ZNF236: variants seen among roughly 807,000 people sequenced by gnomAD.
The protein encoded by ZNF236 is regulated by glucose.
A neutral mutation model predicts 191.2 loss-of-function variants in ZNF236; 50 were observed. The ratio of observed to expected loss-of-function variants is 0.26; its 90% CI spans 0.21 to 0.33. The LOEUF is 0.33. Ranked by LOEUF, ZNF236 falls within the 10% of genes least tolerant of loss-of-function variation. The pLI, the probability that ZNF236 is intolerant of heterozygous loss-of-function variation, is 1.00. For missense variants in ZNF236, 1,754 were observed against 2,374.5 expected (o/e 0.74, Z 5.43); for synonymous variants, 907 against 928.8 (o/e 0.98, Z 0.43).
At chr18:76,826,901 G>GTTTTT (rs1482844532) in intron 1 of ZNF236, among the ~76,000 whole-genome samples, 5 of 150,624 alleles carry the variant, frequency 3.3e-5, no homozygotes, top group Non-Finnish European at 7.4e-5. Context: ...TTTTGTTTTT[G>GTTTTT]TTTTTGTTTT....
chr18:76,844,453 G>T (rs1008927742), intron 1 of ZNF236, among the ~76,000 whole-genome samples: 1 of 152,044 alleles, frequency 6.6e-6, no homozygotes, highest in Non-Finnish European at 1.5e-5. Context: ...TTCTGAGGGT[G>T]GTGCACACTG....
In ZNF236 at chr18:76,968,343, G is replaced by A. The variant is rs369805111; in HGVS notation, c.*4G>A. On this transcript the variant is annotated 3_prime_UTR_variant, in exon 31 of 31. Transcript: ENST00000320610. ...GGCCCTCACCCACGTCTTCTGATGC[G>A]AGTTGGAAGTACACCTTTAAGAATG... is the stretch of plus-strand genomic sequence containing the variant. 4 of 1,604,954 alleles carry A rather than the reference G, an allele frequency of 2.5e-6. No individual in the cohort carries two copies. The highest frequency in any genetic ancestry group is 2.2e-5 in the South Asian group (2 of 89,052).
In ZNF236 at chr18:76,969,959, C is replaced by G. The variant is rs1277538538; in HGVS notation, c.*1620C>G. The G allele has an allele frequency of 6.6e-6, 1 of 152,488 alleles. No individual in the cohort carries two copies. The highest frequency in any genetic ancestry group is 1.5e-5 in the Non-Finnish European group (1 of 68,006). The allele number at this position is 152,488 out of a possible 1,614,324, so 9.4% of individuals were successfully genotyped here. A position where few individuals can be genotyped will look rare whatever the true frequency, so the allele number is the denominator to read the frequency against. On this transcript the variant is annotated 3_prime_UTR_variant, in exon 31 of 31. Coordinates refer to ENST00000320610, the MANE Select transcript of ZNF236 (RefSeq NM_001306089.2). ...TATATTTTTTTAAGAAAAAGAAAAG[C>G]CTTATTTGACTTATGCTTGTGATAC...
chr18:76,875,320 G>T lies in ZNF236; in HGVS notation c.668-172G>T, dbSNP rs964336252. Among the ~76,000 whole-genome samples the T allele has an allele frequency of 6.6e-6, 1 of 152,146 alleles. No homozygotes were observed. Among genetic ancestry groups the T allele is most frequent in the Non-Finnish European group, 1.5e-5 (1 of 68,030 alleles). On this transcript the variant is annotated intron_variant, in intron 5 of 30. Transcript: ENST00000320610. This position sits in a 1 kb window ranked among gnomAD's most constrained non-coding sequence, Gnocchi z 4.3. ...TTGCGAGATGGTCAAGTGCAGTTTT[G>T]ACATGTTAATTTTGAGATTTAAAGT...
intron 16 of ZNF236, 54 bp downstream of exon 16, chr18:76,910,865 A>G: frequency 6.3e-7 from 1 of 1,579,334 alleles, no homozygotes; most frequent in East Asian, 2.2e-5. Context: ...GTGCTATGTT[A>G]TTCTTCACTG....
Position 76,919,295 on chromosome 18 carries a change from A to G in ZNF236, c.3275-481A>G, listed in dbSNP as rs1412819071. ...TCACTTGGCTTTTTTTTGGTTACAT[A>G]ATATTTCTACATATTTATGACGCAC... On this transcript the variant is annotated intron_variant, in intron 19 of 30. Transcript: ENST00000320610. This position sits in a 1 kb window ranked among gnomAD's most constrained non-coding sequence, Gnocchi z 5.3. Among the ~76,000 whole-genome samples, 1 of 152,158 alleles carries G rather than the reference A, an allele frequency of 6.6e-6. No individual in the cohort carries two copies. The highest frequency in any genetic ancestry group is 1.5e-5 in the Non-Finnish European group (1 of 68,028).
intron 20 of ZNF236, among the ~76,000 whole-genome samples, chr18:76,921,737 C>CTTTTTTTTTTTTTTTTTTTTTTT (rs11380490): frequency 1.0e-5 from 1 of 98,050 alleles, no homozygotes; most frequent in Non-Finnish European, 1.9e-5. Flanking sequence ...GTGGGATGTT[C>CTTTTTTTTTTTTTTTTTTTTTTT]TTTTTTTTTT....
Position 76,936,399 on chromosome 18 carries a change from G to A in ZNF236, c.4595-757G>A, listed in dbSNP as rs3893286. ...ACTTTGATAATCCCATGCTGAACCC[G>A]TCTCATCTGCCAGCAAGGTACATGA... On this transcript the variant is annotated intron_variant, in intron 25 of 30. Transcript: ENST00000320610. 3.4e-3 allele frequency: 1,541 copies of A among 456,642 alleles called. 26 individuals carry two copies. Among genetic ancestry groups the A allele is most frequent in the African/African-American group, 0.028 (1,381 of 50,146 alleles). 28.3% of individuals were successfully genotyped at this position (456,642 alleles called of 1,614,324 possible).
intron 1 of ZNF236, among the ~76,000 whole-genome samples, chr18:76,823,705 A>G (rs1974933146): frequency 6.6e-6 from 1 of 152,380 alleles, no homozygotes; most frequent in Middle Eastern, 3.4e-3. Flanking sequence ...TGGCCCTTCC[A>G]GCAGTCAGGA....
At chr18:76,903,474 G>A (rs1203164351) in intron 11 of ZNF236, among the ~76,000 whole-genome samples, 3 of 152,184 alleles carry the variant, frequency 2.0e-5, no homozygotes, top group Non-Finnish European at 2.9e-5. Context: ...AAAACAGAGT[G>A]TGTTCAGAGG....
Position 76,904,513 on chromosome 18 carries a change from A to G in ZNF236, c.2028A>G (p.Gln676=), listed in dbSNP as rs774052996. The G allele has an allele frequency of 3.4e-5, 55 of 1,602,064 alleles. No individual in the cohort carries two copies. Among genetic ancestry groups the G allele is most frequent in the African/African-American group, 2.7e-5 (2 of 74,282 alleles). The part of the protein sequence containing the change: ...RAYKKSCHLK[Q]HIRSHTGEKP... ...ATAAAAAATCTTGCCACCTTAAACA[A>G]CACATCAGGTAAGGTAACGGATTCA... Residue 676 remains glutamine (Q), a synonymous_variant, in exon 12 of 31, where the codon CAA becomes CAG. Transcript: ENST00000320610.
chr18:76,921,737 CT>C (rs11380490), intron 20 of ZNF236, among the ~76,000 whole-genome samples: 37 of 98,048 alleles, frequency 3.8e-4, no homozygotes, highest in African/African-American at 7.2e-4. Context: ...GTGGGATGTT[CT>C]TTTTTTTTTT....
In ZNF236 at chr18:76,962,977, A is replaced by G. The variant is rs867344150; in HGVS notation, c.5419+2122A>G. ...TCATCAGTTCTAGGAGCTTTCTGGA[A>G]GAGTCTTTTGGGTTTTCTAGGTAAA... On this transcript the variant is annotated intron_variant, in intron 30 of 30. Coordinates refer to ENST00000320610, the MANE Select transcript of ZNF236 (RefSeq NM_001306089.2). Among the ~76,000 whole-genome samples, 3 of 152,218 alleles carry G rather than the reference A, an allele frequency of 2.0e-5. No individual in the cohort carries two copies. The South Asian group carries it at 6.2e-4, about 32-fold the overall frequency.
In ZNF236 at chr18:76,927,132, G is replaced by A. The variant is rs1568234161; in HGVS notation, c.4123G>A (p.Val1375Ile). 1 of 1,614,104 alleles carries A rather than the reference G, an allele frequency of 6.2e-7. No homozygotes were observed. Reference protein sequence around the residue: ...QLAANLVGPNVQISGIDAASI... With the variant: ...QLAANLVGPNIQISGIDAASI... ...GGCTGCTAACTTGGTTGGACCAAAT[G>A]TACAGATTTCTGGAATCGATGCTGC... is the stretch of plus-strand genomic sequence containing the variant. The change falls in exon 23 of 31, where the codon GTA (valine) becomes ATA (isoleucine). Residue 1375 changes from valine to isoleucine, a missense_variant. By Grantham distance (29) the Val-to-Ile change is conservative (BLOSUM62 3). Around this residue, in one of 5 missense-constraint regions of ZNF236, gnomAD observed 606 missense variants for 761.5 expected, o/e 0.80. Transcript: ENST00000320610. This position sits in a 1 kb window ranked among gnomAD's most constrained non-coding sequence, Gnocchi z 5.4.
chr18:76,832,652 T>G (rs1484012111), intron 1 of ZNF236, among the ~76,000 whole-genome samples: 1 of 152,086 alleles, frequency 6.6e-6, no homozygotes, highest in Admixed American at 6.6e-5. Context: ...GTATCTGGTA[T>G]GGGAAATATA....
chr18:76,868,864 G>A lies in ZNF236; in HGVS notation c.542+1G>A. On this transcript the variant is annotated splice_donor_variant, in intron 4 of 30. Coordinates refer to ENST00000320610, the MANE Select transcript of ZNF236 (RefSeq NM_001306089.2). LOFTEE classifies it high-confidence loss of function. ...ACATGAAGACTCATTACAAAATTAGGTATGAGTCATTACATGGGCTTGGTC... is the reference window on the plus strand; with the variant it reads ...ACATGAAGACTCATTACAAAATTAGATATGAGTCATTACATGGGCTTGGTC... 1 of 1,591,262 alleles carries A rather than the reference G, an allele frequency of 6.3e-7. No individual in the cohort carries two copies. Among genetic ancestry groups the A allele is most frequent in the Non-Finnish European group, 8.6e-7 (1 of 1,168,636 alleles).
chr18:76,937,037 C>G (rs895739869), intron 25 of ZNF236, 119 bp from the exon 26 acceptor site: 1 of 840,422 alleles, frequency 1.2e-6, no homozygotes, highest in Non-Finnish European at 1.9e-6. Context: ...TTTGGTGCAG[C>G]TTGGAGACCT....
chr18:76,880,329 T>G lies in ZNF236; in HGVS notation c.1188+13T>G. 1 of 1,602,188 alleles carries G rather than the reference T, an allele frequency of 6.2e-7. No individual in the cohort carries two copies. The highest frequency in any genetic ancestry group is 8.5e-7 in the Non-Finnish European group (1 of 1,171,654). ...GGACATTTTACAGGTGAAGCACGCTTCCCTGCGGTGTGAGGCTTACGTGCT... is the reference window on the plus strand; with the variant it reads ...GGACATTTTACAGGTGAAGCACGCTGCCCTGCGGTGTGAGGCTTACGTGCT... On this transcript the variant is annotated intron_variant, in intron 8 of 30. Coordinates refer to ENST00000320610, the MANE Select transcript of ZNF236 (RefSeq NM_001306089.2). The surrounding 1 kb of genome is among the most constrained non-coding windows in gnomAD (Gnocchi z 5.0).
intron 12 of ZNF236, 91 bp from the exon 13 acceptor site, chr18:76,905,064 A>T: frequency 7.7e-7 from 1 of 1,299,888 alleles, no homozygotes. Flanking sequence ...TGTGATGATG[A>T]AGTGAAGCGA....
Sources: gnomAD v4.1 joint callset for allele counts (sites outside exome capture counted in the v4.1 genomes callset) on GRCh38, gnomAD v4.1.1 for gene constraint, gnomAD v4.1.1 regional missense constraint, Gnocchi (gnomAD v3.1) non-coding constraint, MANE v1.5 for transcripts, NCBI Gene and HGNC (gene_info 2026-07-23, HGNC 2026-07-21) for gene names.